The following ZC3HAV1L variants were observed in gnomAD, a reference collection of about 807,000 sequenced individuals.
ZC3HAV1L encodes zinc finger CCCH-type antiviral protein 1-like.
Under a neutral mutation model 28.2 loss-of-function variants are expected in ZC3HAV1L, and 23 were observed. The ratio of observed to expected loss-of-function variants is 0.82; its 90% confidence interval spans 0.59 to 1.16. The LOEUF is 1.16. Among genes scored for constraint, ZC3HAV1L ranks in the 50% most tolerant of loss-of-function variants. The pLI is 0.00. For missense variants in ZC3HAV1L, 376 were observed against 387.7 expected (o/e 0.97, Z 0.25); for synonymous variants, 180 against 163.4 (o/e 1.10, Z -0.78).
In ZC3HAV1L at chr7:139,034,686, A is replaced by T; in HGVS notation, c.366-8T>A. Reference sequence around the variant, plus strand: ...GAAAGGGTACAGGTAGACCTAAAAGAACAAAGCCCTCGGTCAGATGCCCAG... The same window carrying T: ...GAAAGGGTACAGGTAGACCTAAAAGTACAAAGCCCTCGGTCAGATGCCCAG... On this transcript the variant is annotated splice_polypyrimidine_tract_variant and splice_region_variant and intron_variant, in intron 1 of 4. Transcript: ENST00000275766. 1.2e-6 allele frequency: 2 copies of T among 1,613,636 alleles called. No homozygotes were observed. The highest frequency in any genetic ancestry group is 8.5e-7 in the Non-Finnish European group (1 of 1,179,672).
At chr7:139,034,400 T>C in intron 2 of ZC3HAV1L, 143 bp downstream of exon 2, 2 of 1,343,166 alleles carry the variant, frequency 1.5e-6, no homozygotes, top group Non-Finnish European at 2.0e-6. Flanking sequence ...TGATAGCAAT[T>C]ATAAAGGGTA....
intron 1 of ZC3HAV1L, chr7:139,035,271 G>T (rs1165682492): frequency 1.0e-6 from 1 of 985,274 alleles, no homozygotes; most frequent in Non-Finnish European, 1.2e-6. Context: ...CCGGCTAAAG[G>T]GTCCAGGGAT....
intron 2 of ZC3HAV1L, chr7:139,034,174 G>A: frequency 1.0e-6 from 1 of 985,318 alleles, no homozygotes; most frequent in Non-Finnish European, 1.2e-6. Context: ...CCACAATTAT[G>A]AACTATCCTC....
intron 2 of ZC3HAV1L, among the ~76,000 whole-genome samples, chr7:139,030,999 G>A (rs906669472): frequency 2.6e-5 from 4 of 152,042 alleles, no homozygotes; most frequent in Admixed American, 1.3e-4. Flanking sequence ...AAATGAAATA[G>A]CATCCTATTT....
At chr7:139,023,039 G>C (rs1041051869), downstream of ZC3HAV1L, among the ~76,000 whole-genome samples, 5 of 152,060 alleles carry the variant, frequency 3.3e-5, no homozygotes, top group Non-Finnish European at 7.4e-5. Flanking sequence ...GCCAGGCATG[G>C]TGGTACATGC....
chr7:139,028,612 C>G, intron 3 of ZC3HAV1L, 90 bp downstream of exon 3: 6 of 1,502,200 alleles, frequency 4.0e-6, no homozygotes, highest in Non-Finnish European at 5.4e-6. Flanking sequence ...CCCCCAGACT[C>G]ACTTTCATGT....
chr7:139,034,763 A>G, intron 1 of ZC3HAV1L, 85 bp from the exon 2 acceptor site: 26 of 1,538,030 alleles, frequency 1.7e-5, no homozygotes, highest in Non-Finnish European at 2.1e-5. Flanking sequence ...CTTTCAATGT[A>G]TTTAATACAT....
downstream of ZC3HAV1L, among the ~76,000 whole-genome samples, chr7:139,022,864 G>T (rs1185295528): frequency 6.6e-6 from 1 of 152,148 alleles, no homozygotes; most frequent in Non-Finnish European, 1.5e-5. Flanking sequence ...TAGGAAGAAG[G>T]AATGGCACTT....
At chr7:139,026,918 CAGACA>C in intron 3 of ZC3HAV1L, 85 bp from the exon 4 acceptor site, 1 of 1,447,174 alleles carries the variant, frequency 6.9e-7, no homozygotes, top group Non-Finnish European at 9.4e-7. Context: ...AACCAGCCAT[CAGACA>C]AGACTCCCAA....
At chr7:139,029,127 C>T (rs959216833) in intron 2 of ZC3HAV1L, among the ~76,000 whole-genome samples, 167 bp from the exon 3 acceptor site, 1 of 152,030 alleles carries the variant, frequency 6.6e-6, no homozygotes, top group Non-Finnish European at 1.5e-5. Flanking sequence ...CTCAGCCTCC[C>T]GAGTAGCTGA....
chr7:139,023,574 GA>G (rs1307916144), downstream of ZC3HAV1L, among the ~76,000 whole-genome samples: 2 of 152,194 alleles, frequency 1.3e-5, no homozygotes, highest in East Asian at 3.8e-4. Flanking sequence ...GAGGACCAAG[GA>G]AGGTTTCAGC....
In ZC3HAV1L at chr7:139,026,401, C is replaced by T; in HGVS notation, c.*143G>A. 7.5e-7 allele frequency: 1 copy of T among 1,332,000 alleles called. No individual in the cohort carries two copies. Among genetic ancestry groups the T allele is most frequent in the South Asian group, 1.5e-5 (1 of 64,882 alleles). The allele number at this position is 1,332,000 out of a possible 1,614,324, so 82.5% of individuals were successfully genotyped here. On this transcript the variant is annotated 3_prime_UTR_variant, in exon 5 of 5. Coordinates refer to ENST00000275766, the MANE Select transcript of ZC3HAV1L (RefSeq NM_080660.4). ...ACCTAGGAGCTGCAGATAGCAGCTG[C>T]CATCTTCAGCACTTGCCCTGGACTA...
chr7:139,021,857 T>C (rs1272015141), downstream of ZC3HAV1L, among the ~76,000 whole-genome samples: 1 of 151,956 alleles, frequency 6.6e-6, no homozygotes, highest in East Asian at 1.9e-4. Context: ...AAAAACAAAA[T>C]AGAAATACCT....
At position 139,026,466 on chromosome 7, in the gene ZC3HAV1L, C is replaced by T; in HGVS notation, c.*78G>A. The T allele has an allele frequency of 6.3e-7, 1 of 1,588,928 alleles. No individual in the cohort carries two copies. On this transcript the variant is annotated 3_prime_UTR_variant, in exon 5 of 5. Coordinates refer to ENST00000275766, the MANE Select transcript of ZC3HAV1L (RefSeq NM_080660.4). ...CAATTTTAGCCTCTCTTTGCCTGTT[C>T]AATGTCCCACCCCATCCCCAACCAC...
chr7:139,026,275 G>T lies in ZC3HAV1L; in HGVS notation c.*269C>A. The T allele has an allele frequency of 9.6e-6, 4 of 415,088 alleles. No homozygotes were observed. Among genetic ancestry groups the T allele is most frequent in the South Asian group, 5.9e-5 (1 of 16,918 alleles). The allele number at this position is 415,088 out of a possible 1,614,324, so 25.7% of individuals were successfully genotyped here. On this transcript the variant is annotated 3_prime_UTR_variant, in exon 5 of 5. Coordinates refer to ENST00000275766, the MANE Select transcript of ZC3HAV1L (RefSeq NM_080660.4). Reference sequence around the variant, plus strand: ...ACAATATTAAGTGAAAAAAAAAAATGAGTGCAAAGTACTCTAGGATTGCCA... The same window carrying T: ...ACAATATTAAGTGAAAAAAAAAAATTAGTGCAAAGTACTCTAGGATTGCCA...
At chr7:139,022,708 TA>T (rs1329024458), downstream of ZC3HAV1L, among the ~76,000 whole-genome samples, 1 of 151,986 alleles carries the variant, frequency 6.6e-6, no homozygotes, top group Non-Finnish European at 1.5e-5. Context: ...AGCTAGTGAG[TA>T]AAAAAACACA....
intron 3 of ZC3HAV1L, among the ~76,000 whole-genome samples, chr7:139,027,437 C>T (rs1023269127): frequency 3.3e-5 from 5 of 152,212 alleles, no homozygotes; most frequent in Non-Finnish European, 7.3e-5. Flanking sequence ...CTTTGGGAGG[C>T]CAGGGCTGGA....
intron 2 of ZC3HAV1L, among the ~76,000 whole-genome samples, chr7:139,029,466 C>A (rs191585123): frequency 7.6e-4 from 116 of 152,328 alleles, no homozygotes; most frequent in Admixed American, 1.2e-3. Context: ...GCTGTGGGCA[C>A]TGGCTGCTTG....
chr7:139,024,039 G>A (rs142195020), downstream of ZC3HAV1L, among the ~76,000 whole-genome samples: 677 of 152,224 alleles, frequency 4.4e-3, 2 homozygotes, highest in African/African-American at 0.016. Flanking sequence ...GGAAATAAAA[G>A]CAGGAACAAG....
Sources: gnomAD v4.1 joint callset for allele counts (sites outside exome capture counted in the v4.1 genomes callset) on GRCh38, gnomAD v4.1.1 for gene constraint, MANE v1.5 for transcripts, NCBI Gene and HGNC (gene_info 2026-07-23, HGNC 2026-07-21) for gene names.